The following CNGB3 variants were observed in gnomAD, a reference collection of about 807,000 sequenced individuals.
CNGB3 encodes the protein cyclic nucleotide-gated channel beta-3.
CNGB3 carries 86 observed loss-of-function variants against 92.8 expected under a neutral mutation model. The ratio of observed to expected loss-of-function variants is 0.93; its 90% confidence interval spans 0.78 to 1.11. The LOEUF is 1.11. CNGB3 is among the 50% of genes least tolerant of loss of function. The pLI is 0.00. For synonymous variants in CNGB3, 333 were observed against 332.7 expected, an observed-to-expected ratio of 1.00 and a Z score of -0.01; for missense variants, 1,026 against 956.8, an observed-to-expected ratio of 1.07 and a Z score of -0.95.
chr8:86,602,737 T>C lies in CNGB3; in HGVS notation c.1781+1356A>G, dbSNP rs111873467. On this transcript the variant is annotated intron_variant, in intron 15 of 17. Coordinates refer to ENST00000320005, the MANE Select transcript of CNGB3 (RefSeq NM_019098.5). ...TGAGCCACCACAGTTGACTTCTAAC[T>C]GGACTCTATTCATTCTTGCTCCTCT... Among the ~76,000 whole-genome samples the C allele has an allele frequency of 4.9e-3, 740 of 152,344 alleles. 5 individuals carry two copies. The highest frequency in any genetic ancestry group is 8.3e-3 in the Non-Finnish European group (564 of 68,026).
chr8:86,659,463 C>A (rs145410320), intron 6 of CNGB3: 385 of 618,550 alleles, frequency 6.2e-4, no homozygotes, highest in Non-Finnish European at 1.0e-3. Context: ...GTCACTAGGA[C>A]TCAAATTTCT....
At chr8:86,645,548 C>A (rs1356693883) in intron 8 of CNGB3, among the ~76,000 whole-genome samples, 1 of 151,250 alleles carries the variant, frequency 6.6e-6, no homozygotes, top group Non-Finnish European at 1.5e-5. Context: ...TGCTTCAAAT[C>A]ATAGACTCTT....
intron 3 of CNGB3, among the ~76,000 whole-genome samples, chr8:86,675,419 G>A (rs958799262): frequency 3.3e-5 from 5 of 151,908 alleles, no homozygotes; most frequent in Non-Finnish European, 7.4e-5. Flanking sequence ...ATATTGGATA[G>A]TTGTCTTCCT....
At chr8:86,718,631 G>A (rs1285619693) in intron 3 of CNGB3, among the ~76,000 whole-genome samples, 1 of 152,048 alleles carries the variant, frequency 6.6e-6, no homozygotes, top group African/African-American at 2.4e-5. Context: ...CTATTCTACA[G>A]GACAGAGATA....
chr8:86,604,120 T>G lies in CNGB3; in HGVS notation c.1754A>C (p.Lys585Thr). Residue 585 changes from lysine (K) to threonine (T), a missense_variant, in exon 15 of 18, where the codon AAA becomes ACA. Transcript: ENST00000320005. The stretch of plus-strand genomic sequence containing the variant: ...GATTTCTCCAAACACCGACCCAGCT[T>G]TCAGAGTAACCAGAACTTTAGTACC... ...PDGTKVLVTLKAGSVFGEISL... is the reference protein window; with the variant it reads ...PDGTKVLVTLTAGSVFGEISL... The G allele has an allele frequency of 6.2e-7, 1 of 1,613,078 alleles. No homozygotes were observed. The highest frequency in any genetic ancestry group is 8.5e-7 in the Non-Finnish European group (1 of 1,179,096).
intron 9 of CNGB3, 32 bp from the exon 10 acceptor site, chr8:86,643,905 C>T: frequency 1.3e-6 from 2 of 1,595,090 alleles, no homozygotes; most frequent in Non-Finnish European, 1.7e-6. Context: ...AAGTAAGATT[C>T]ATGTTGTTTC....
At chr8:86,628,216 G>C (rs1287634718) in intron 12 of CNGB3, among the ~76,000 whole-genome samples, 2 of 152,132 alleles carry the variant, frequency 1.3e-5, no homozygotes, top group African/African-American at 4.8e-5. Flanking sequence ...GCCTAGGCTG[G>C]AGTGTAGTGG....
chr8:86,706,331 T>G (rs944607342), intron 3 of CNGB3, among the ~76,000 whole-genome samples: 1 of 152,234 alleles, frequency 6.6e-6, no homozygotes, highest in Non-Finnish European at 1.5e-5. Context: ...ATATGTTACA[T>G]TTTCAGTTCC....
chr8:86,625,084 C>T (rs561104514), intron 13 of CNGB3, among the ~76,000 whole-genome samples: 99 of 152,256 alleles, frequency 6.5e-4, no homozygotes, highest in South Asian at 2.3e-3. Context: ...GCTTCCTGTA[C>T]AGCCTGCAGA....
rs1291828004 is a variant in CNGB3 at position 86,651,340 on chromosome 8, T to G, written c.903+2672A>C. On this transcript the variant is annotated intron_variant, in intron 7 of 17. Coordinates refer to ENST00000320005, the MANE Select transcript of CNGB3 (RefSeq NM_019098.5). ...TTAATTGCCTAACAATTTCAAAGCC[T>G]GCCGATATTGAACAAGAATAGGGAC... Among the ~76,000 whole-genome samples, 3 of 151,924 alleles carry G rather than the reference T, an allele frequency of 2.0e-5. No homozygotes were observed. In the East Asian group the frequency reaches 5.8e-4, roughly 29 times the overall value.
chr8:86,626,418 T>C (rs1200499386), intron 12 of CNGB3, among the ~76,000 whole-genome samples: 2 of 152,208 alleles, frequency 1.3e-5, no homozygotes, highest in African/African-American at 4.8e-5. Flanking sequence ...AAGGATCTAG[T>C]TCTTATTTTC....
At chr8:86,689,335 A>AT (rs1276871527) in intron 3 of CNGB3, among the ~76,000 whole-genome samples, 5 of 151,110 alleles carry the variant, frequency 3.3e-5, no homozygotes, top group Non-Finnish European at 5.9e-5. Flanking sequence ...TTCTTTGTTG[A>AT]TTTTCTGTCT....
At chr8:86,643,601 ATGAT>A (rs1823233872) in intron 10 of CNGB3, 146 bp downstream of exon 10, 1 of 798,106 alleles carries the variant, frequency 1.3e-6, no homozygotes, top group Admixed American at 2.3e-5. Context: ...TGCAAATGAC[ATGAT>A]TTTATCCTTT....
chr8:86,610,174 G>A (rs922729151), intron 14 of CNGB3, among the ~76,000 whole-genome samples: 13 of 152,184 alleles, frequency 8.5e-5, no homozygotes, highest in South Asian at 4.2e-4. Context: ...GAGCCCAGAC[G>A]TCTTCATTCA....
At chr8:86,581,384 C>G (rs995085123) in intron 15 of CNGB3, among the ~76,000 whole-genome samples, 19 of 152,270 alleles carry the variant, frequency 1.2e-4, no homozygotes, top group African/African-American at 4.6e-4. Flanking sequence ...GTCACTCACA[C>G]TTTTGTGGGA....
rs201689102 is a variant in CNGB3 at position 86,647,756 on chromosome 8, T to G, written c.990+45A>C. On this transcript the variant is annotated intron_variant, in intron 8 of 17. Coordinates refer to ENST00000320005, the MANE Select transcript of CNGB3 (RefSeq NM_019098.5). ...GATTTCCATTATAGGGAAATAGAAA[T>G]ATTTCCATTATAAGGGAAAAGACAA... 9.6e-4 allele frequency: 952 copies of G among 993,980 alleles called. 1 individual carries two copies. Among genetic ancestry groups the G allele is most frequent in the Non-Finnish European group, 1.3e-3 (826 of 617,330 alleles). The allele number at this position is 993,980 out of a possible 1,614,324, so 61.6% of individuals were successfully genotyped here. A position where few individuals can be genotyped will look rare whatever the true frequency, so the allele number is the denominator to read the frequency against.
At chr8:86,646,908 T>C (rs1392604674) in intron 8 of CNGB3, among the ~76,000 whole-genome samples, 1 of 151,206 alleles carries the variant, frequency 6.6e-6, no homozygotes, top group Non-Finnish European at 1.5e-5. Context: ...AAAAACAATA[T>C]GAAATATATG....
At chr8:86,694,423 C>T (rs1312950867) in intron 3 of CNGB3, among the ~76,000 whole-genome samples, 4 of 150,760 alleles carry the variant, frequency 2.7e-5, no homozygotes, top group South Asian at 2.1e-4. Context: ...CCCTCCCGGA[C>T]GGGGTGGCTG....
At chr8:86,623,951 C>T (rs1376029466) in intron 13 of CNGB3, among the ~76,000 whole-genome samples, 1 of 152,158 alleles carries the variant, frequency 6.6e-6, no homozygotes, top group African/African-American at 2.4e-5. Context: ...GTCTGTTCAC[C>T]ATCATCTCTT....
Sources: gnomAD v4.1 joint callset for allele counts (sites outside exome capture counted in the v4.1 genomes callset) on GRCh38, gnomAD v4.1.1 for gene constraint, MANE v1.5 for transcripts, NCBI Gene and HGNC (gene_info 2026-07-23, HGNC 2026-07-21) for gene names.